KCTD12: variants seen among roughly 807,000 people sequenced by gnomAD.
KCTD12 encodes the protein potassium channel tetramerization domain containing 12.
KCTD12 carries 16 observed loss-of-function variants against 22.6 expected under a neutral mutation model. That is an observed-to-expected ratio of 0.71 (90% CI 0.48 to 1.07). The LOEUF (loss-of-function observed/expected upper bound fraction) is 1.07. KCTD12 is among the 50% of genes least tolerant of loss of function. The probability of loss-of-function intolerance (pLI) is 0.00; values close to 1 mark genes in which losing one functional copy is unlikely to be tolerated. For synonymous variants in KCTD12, 260 were observed against 228.0 expected, an observed-to-expected ratio of 1.14 and a Z score of -1.26; for missense variants, 452 against 469.2, an observed-to-expected ratio of 0.96 and a Z score of 0.34.
At position 76,880,303 on chromosome 13, in the gene KCTD12, G is replaced by A. The variant is rs2033188994; in HGVS notation, c.*4868C>T. On this transcript the variant is annotated 3_prime_UTR_variant, in exon 1 of 1. Coordinates refer to ENST00000377474, the MANE Select transcript of KCTD12 (RefSeq NM_138444.4). ...GTATTTCTGTTATACAACTGGTTGT[G>A]AACAGGAAGAACAAAAATCTTTATA... 1 of 152,652 alleles carries A rather than the reference G, an allele frequency of 6.6e-6. No individual in the cohort carries two copies. The highest frequency in any genetic ancestry group is 2.1e-4 in the South Asian group (1 of 4,832). The allele number at this position is 152,652 out of a possible 1,614,324, so 9.5% of individuals were successfully genotyped here.
rs767130923 is a variant in KCTD12 at position 76,885,361 on chromosome 13, G to T, written c.788C>A (p.Pro263Gln). ...LNESRDPDRP[P>Q]ERYTSRYYLK... ...GTAATAGCGCGAGGTGTAGCGCTCC[G>T]GGGGACGGTCGGGGTCCCGGCTTTC... The change falls in exon 1 of 1, where the codon CCG (proline) becomes CAG (glutamine). Residue 263 changes from proline (P) to glutamine (Q), a missense_variant. Physicochemically the swap from Pro to Gln is moderately conservative, Grantham distance 76 (BLOSUM62 -1). Transcript: ENST00000377474. This position sits in a 1 kb window ranked among gnomAD's most constrained non-coding sequence, Gnocchi z 5.1. The T allele has an allele frequency of 5.0e-6, 8 of 1,613,734 alleles. No individual in the cohort carries two copies. The highest frequency in any genetic ancestry group is 6.8e-6 in the Non-Finnish European group (8 of 1,179,904).
chr13:76,883,983 A>T lies in KCTD12; in HGVS notation c.*1188T>A, dbSNP rs1285094365. The stretch of plus-strand genomic sequence containing the variant: ...GGACTCAAAACAGTAAGTTAAGTAA[A>T]CTGCCAGGTAAGAGTAGGTCTGTTA... On this transcript the variant is annotated 3_prime_UTR_variant, in exon 1 of 1. Coordinates refer to ENST00000377474, the MANE Select transcript of KCTD12 (RefSeq NM_138444.4). 1 of 152,656 alleles carries T rather than the reference A, an allele frequency of 6.6e-6. No homozygotes were observed. Among genetic ancestry groups the T allele is most frequent in the East Asian group, 1.9e-4 (1 of 5,204 alleles). 9.5% of individuals were successfully genotyped at this position (152,656 alleles called of 1,614,324 possible).
In KCTD12 at chr13:76,885,513, G is replaced by C. The variant is rs754787768; in HGVS notation, c.636C>G (p.Ile212Met). ...CGATGGTGTAGGAGCCGCGGTAGCC[G>C]ATGGTGATGTAGCCCGAGCGCCGGC... ...DGSRRSGYIT[I>M]GYRGSYTIGR... Residue 212 changes from isoleucine to methionine, a missense_variant, in exon 1 of 1, where the codon ATC (isoleucine) becomes ATG (methionine). By Grantham distance (10) the Ile-to-Met change is conservative. Transcript: ENST00000377474. The surrounding 1 kb of genome is among the most constrained non-coding windows in gnomAD (Gnocchi z 5.1). 94 of 1,598,950 alleles carry C rather than the reference G, an allele frequency of 5.9e-5. No homozygotes were observed. The highest frequency in any genetic ancestry group is 7.7e-5 in the Non-Finnish European group (91 of 1,175,666).
At position 76,882,728 on chromosome 13, in the gene KCTD12, C is replaced by G. The variant is rs2033217564; in HGVS notation, c.*2443G>C. ...ATTTCAGGCTTCAAACAGATGAATTCTGATGCATTACTTAGTCTGAGACCA... is the reference window on the plus strand; with the variant it reads ...ATTTCAGGCTTCAAACAGATGAATTGTGATGCATTACTTAGTCTGAGACCA... On this transcript the variant is annotated 3_prime_UTR_variant, in exon 1 of 1. Coordinates refer to ENST00000377474, the MANE Select transcript of KCTD12 (RefSeq NM_138444.4). The G allele has an allele frequency of 6.6e-6, 1 of 151,086 alleles. No homozygotes were observed. The highest frequency in any genetic ancestry group is 2.5e-5 in the African/African-American group (1 of 40,542). The allele number at this position is 151,086 out of a possible 1,614,324, so 9.4% of individuals were successfully genotyped here.
rs1028961807 is a variant in KCTD12, at chr13:76,882,612, G to A, written c.*2559C>T. ...TGTCCCAAGATGTTCTCAATCATGTGCTTCCTGTTGAACAATCTAACAAAA... is the reference window on the plus strand; with the variant it reads ...TGTCCCAAGATGTTCTCAATCATGTACTTCCTGTTGAACAATCTAACAAAA... On this transcript the variant is annotated 3_prime_UTR_variant, in exon 1 of 1. Coordinates refer to ENST00000377474, the MANE Select transcript of KCTD12 (RefSeq NM_138444.4). 6.6e-5 allele frequency: 10 copies of A among 152,178 alleles called. No homozygotes were observed. The highest frequency in any genetic ancestry group is 2.4e-4 in the African/African-American group (10 of 41,440). 9.4% of individuals were successfully genotyped at this position (152,178 alleles called of 1,614,324 possible).
Position 76,885,584 on chromosome 13 carries a change from C to T in KCTD12, c.565G>A (p.Gly189Ser), listed in dbSNP as rs1162631635. The T allele has an allele frequency of 4.6e-6, 7 of 1,538,322 alleles. No individual in the cohort carries two copies. The highest frequency in any genetic ancestry group is 6.1e-6 in the Non-Finnish European group (7 of 1,148,328). Reference protein sequence around the residue: ...LELASRSPSGGAAGPLLTPSQ... With the variant: ...LELASRSPSGSAAGPLLTPSQ... ...GGCGTGAGCAGCGGGCCCGCCGCGC[C>T]CCCGGACGGACTGCGGCTAGCCAGC... Residue 189 changes from glycine (G) to serine (S), a missense_variant, in exon 1 of 1, where the codon GGC (glycine) becomes AGC (serine). Around this residue, in one of 2 missense-constraint regions of KCTD12, gnomAD observed 330 missense variants for 296.5 expected, o/e 1.11. Transcript: ENST00000377474. The surrounding 1 kb of genome is among the most constrained non-coding windows in gnomAD (Gnocchi z 5.1).
chr13:76,885,703 TCCTTGTGCACCC>T lies in KCTD12; in HGVS notation c.434_445del (p.Gly145_Lys148del). ...CAGCAGCTCGTCACCCAGCGAGCCCTCCTTGTGCACCCCGCGCCGCGAGGGCGGCGGCCCCGG... is the reference window on the plus strand; with the variant it reads ...CAGCAGCTCGTCACCCAGCGAGCCCTCGCGCCGCGAGGGCGGCGGCCCCGG... On this transcript the variant is annotated inframe_deletion, in exon 1 of 1. Transcript: ENST00000377474. The surrounding 1 kb of genome is among the most constrained non-coding windows in gnomAD (Gnocchi z 5.1). 1 of 1,426,800 alleles carries T rather than the reference TCCTTGTGCACCC, an allele frequency of 7.0e-7. No homozygotes were observed. Among genetic ancestry groups the T allele is most frequent in the Non-Finnish European group, 9.1e-7 (1 of 1,104,384 alleles). 88.4% of individuals were successfully genotyped at this position (1,426,800 alleles called of 1,614,324 possible).
rs1412908471 is a variant in KCTD12 at position 76,881,685 on chromosome 13, C to T, written c.*3486G>A. 3.0e-4 allele frequency: 2 copies of T among 6,574 alleles called. No homozygotes were observed. Among genetic ancestry groups the T allele is most frequent in the Non-Finnish European group, 7.6e-4 (2 of 2,638 alleles). The allele number at this position is 6,574 out of a possible 1,614,324, so 0.4% of individuals were successfully genotyped here. A position where few individuals can be genotyped will look rare whatever the true frequency, so the allele number is the denominator to read the frequency against. On this transcript the variant is annotated 3_prime_UTR_variant, in exon 1 of 1. Transcript: ENST00000377474. ...CAAAAACCAGTAGAATACATAACAACATTGAAAGGGAAAAATTTTTAAATC... is the reference window on the plus strand; with the variant it reads ...CAAAAACCAGTAGAATACATAACAATATTGAAAGGGAAAAATTTTTAAATC...
Position 76,880,567 on chromosome 13 carries a change from T to A in KCTD12, c.*4604A>T, listed in dbSNP as rs1012936603. 1.3e-5 allele frequency: 2 copies of A among 152,594 alleles called. No individual in the cohort carries two copies. 9.5% of individuals were successfully genotyped at this position (152,594 alleles called of 1,614,324 possible). A position where few individuals can be genotyped will look rare whatever the true frequency, so the allele number is the denominator to read the frequency against. On this transcript the variant is annotated 3_prime_UTR_variant, in exon 1 of 1. Transcript: ENST00000377474. ...TGTGAATCTTACATTGTCTAGCAGA[T>A]AAGGTTTTCAGATGCCTGGAAAAAT... is the stretch of plus-strand genomic sequence containing the variant.
In KCTD12 at chr13:76,886,137, C is replaced by A; in HGVS notation, c.12G>T (p.Ala4=). The change falls in exon 1 of 1, where the codon GCG becomes GCT. Residue 4 remains alanine, a synonymous_variant. Coordinates refer to ENST00000377474, the MANE Select transcript of KCTD12 (RefSeq NM_138444.4). ...CGTTGGGTAATCCACGTGTGCTGTC[C>A]GCCAGAGCCATGACAGAGAGGTGGC... is the stretch of plus-strand genomic sequence containing the variant. MAL[A]DSTRGLPNGG... 1 of 1,516,694 alleles carries A rather than the reference C, an allele frequency of 6.6e-7. No homozygotes were observed. Among genetic ancestry groups the A allele is most frequent in the Middle Eastern group, 1.7e-4 (1 of 5,756 alleles). The allele number at this position is 1,516,694 out of a possible 1,614,324, so 94.0% of individuals were successfully genotyped here.
chr13:76,885,536 G>A lies in KCTD12; in HGVS notation c.613C>T (p.Arg205Trp), dbSNP rs746569069. The change falls in exon 1 of 1, where the codon CGG becomes TGG. Residue 205 changes from arginine (R) to tryptophan (W), a missense_variant. By Grantham distance (101) the Arg-to-Trp change is moderately radical. Transcript: ENST00000377474. This position sits in a 1 kb window ranked among gnomAD's most constrained non-coding sequence, Gnocchi z 5.1. ...LTPSQSLDGS[R>W]RSGYITIGYR... ...CCGATGGTGATGTAGCCCGAGCGCC[G>A]GCTGCCGTCCAGCGACTGGGACGGC... is the stretch of plus-strand genomic sequence containing the variant. 1.3e-6 allele frequency: 2 copies of A among 1,573,904 alleles called. No individual in the cohort carries two copies. Among genetic ancestry groups the A allele is most frequent in the Non-Finnish European group, 1.7e-6 (2 of 1,163,976 alleles).
rs1160247851 is a variant in KCTD12 at position 76,881,311 on chromosome 13, C to A, written c.*3860G>T. 1 of 151,608 alleles carries A rather than the reference C, an allele frequency of 6.6e-6. No individual in the cohort carries two copies. The highest frequency in any genetic ancestry group is 1.5e-5 in the Non-Finnish European group (1 of 67,490). The allele number at this position is 151,608 out of a possible 1,614,324, so 9.4% of individuals were successfully genotyped here. A position where few individuals can be genotyped will look rare whatever the true frequency, so the allele number is the denominator to read the frequency against. On this transcript the variant is annotated 3_prime_UTR_variant, in exon 1 of 1. Coordinates refer to ENST00000377474, the MANE Select transcript of KCTD12 (RefSeq NM_138444.4). Reference sequence around the variant, plus strand: ...AAAATAAATTCTCAAGGAATTCAACCCCTCCAGTCAATACTTTTTCTTAAT... The same window carrying A: ...AAAATAAATTCTCAAGGAATTCAACACCTCCAGTCAATACTTTTTCTTAAT...
chr13:76,884,045 C>T lies in KCTD12; in HGVS notation c.*1126G>A, dbSNP rs1203624200. 1 of 152,536 alleles carries T rather than the reference C, an allele frequency of 6.6e-6. No homozygotes were observed. The highest frequency in any genetic ancestry group is 1.5e-5 in the Non-Finnish European group (1 of 68,034). 9.4% of individuals were successfully genotyped at this position (152,536 alleles called of 1,614,324 possible). A position where few individuals can be genotyped will look rare whatever the true frequency, so the allele number is the denominator to read the frequency against. Reference sequence around the variant, plus strand: ...AAAATACTTGGCATGTTTGCATTTACTATATGATATTTTTTAAATGTGCAT... The same window carrying T: ...AAAATACTTGGCATGTTTGCATTTATTATATGATATTTTTTAAATGTGCAT... On this transcript the variant is annotated 3_prime_UTR_variant, in exon 1 of 1. Coordinates refer to ENST00000377474, the MANE Select transcript of KCTD12 (RefSeq NM_138444.4).
Position 76,886,138 on chromosome 13 carries a change from G to C in KCTD12, c.11C>G (p.Ala4Gly), listed in dbSNP as rs1339335728. Residue 4 changes from alanine to glycine, a missense_variant, in exon 1 of 1, where the codon GCG (alanine) becomes GGG (glycine). Coordinates refer to ENST00000377474, the MANE Select transcript of KCTD12 (RefSeq NM_138444.4). Reference protein sequence around the residue: MALADSTRGLPNGG... With the variant: MALGDSTRGLPNGG... ...GTTGGGTAATCCACGTGTGCTGTCC[G>C]CCAGAGCCATGACAGAGAGGTGGCC... 8.6e-6 allele frequency: 13 copies of C among 1,515,162 alleles called. No individual in the cohort carries two copies. Among genetic ancestry groups the C allele is most frequent in the Non-Finnish European group, 9.7e-6 (11 of 1,132,126 alleles). The allele number at this position is 1,515,162 out of a possible 1,614,324, so 93.9% of individuals were successfully genotyped here.
At position 76,883,910 on chromosome 13, in the gene KCTD12, G is replaced by GT. The variant is rs2033230764; in HGVS notation, c.*1260dup. Reference sequence around the variant, plus strand: ...AGTTCAAAAACTAAAACCCTACTGGGTAACTCTTTGGTTAGATTATATATA... The same window carrying GT: ...AGTTCAAAAACTAAAACCCTACTGGGTTAACTCTTTGGTTAGATTATATATA... On this transcript the variant is annotated 3_prime_UTR_variant, in exon 1 of 1. Coordinates refer to ENST00000377474, the MANE Select transcript of KCTD12 (RefSeq NM_138444.4). The GT allele has an allele frequency of 6.6e-6, 1 of 152,576 alleles. No individual in the cohort carries two copies. The highest frequency in any genetic ancestry group is 1.5e-5 in the Non-Finnish European group (1 of 68,020). The allele number at this position is 152,576 out of a possible 1,614,324, so 9.5% of individuals were successfully genotyped here.
At position 76,882,382 on chromosome 13, in the gene KCTD12, T is replaced by C. The variant is rs2033213884; in HGVS notation, c.*2789A>G. 1 of 151,574 alleles carries C rather than the reference T, an allele frequency of 6.6e-6. No homozygotes were observed. The highest frequency in any genetic ancestry group is 2.4e-5 in the African/African-American group (1 of 41,128). 9.4% of individuals were successfully genotyped at this position (151,574 alleles called of 1,614,324 possible). A position where few individuals can be genotyped will look rare whatever the true frequency, so the allele number is the denominator to read the frequency against. On this transcript the variant is annotated 3_prime_UTR_variant, in exon 1 of 1. Coordinates refer to ENST00000377474, the MANE Select transcript of KCTD12 (RefSeq NM_138444.4). Reference sequence around the variant, plus strand: ...TTCAAATAATGTGCGGGGCGGGGGGTGCTGGGTGTGACAGGGTGCAGTGAA... The same window carrying C: ...TTCAAATAATGTGCGGGGCGGGGGGCGCTGGGTGTGACAGGGTGCAGTGAA...
chr13:76,880,272 T>C lies in KCTD12; in HGVS notation c.*4899A>G, dbSNP rs2137698842. 6.5e-6 allele frequency: 1 copy of C among 152,790 alleles called. No homozygotes were observed. Among genetic ancestry groups the C allele is most frequent in the South Asian group, 2.1e-4 (1 of 4,832 alleles). 9.5% of individuals were successfully genotyped at this position (152,790 alleles called of 1,614,324 possible). On this transcript the variant is annotated 3_prime_UTR_variant, in exon 1 of 1. Transcript: ENST00000377474. ...ACTTCACACACAGGAAGGAAAACAG[T>C]AGCTAGTATTTCTGTTATACAACTG...
In KCTD12 at chr13:76,886,270, G is replaced by GCCGCCGCCGCCGCCGCCA. The variant is rs2033273216; in HGVS notation, c.-123_-122insTGGCGGCGGCGGCGGCGG. ...CTCAGCCCTGCGCCCCGCCGCCGCC[G>GCCGCCGCCGCCGCCGCCA]CCGCCGCCACCGCCGCCACCGCCAC... On this transcript the variant is annotated 5_prime_UTR_variant, in exon 1 of 1. Transcript: ENST00000377474. 3.4e-6 allele frequency: 4 copies of GCCGCCGCCGCCGCCGCCA among 1,161,494 alleles called. No individual in the cohort carries two copies. In the African/African-American group the frequency reaches 6.9e-5, roughly 20 times the overall value. 71.9% of individuals were successfully genotyped at this position (1,161,494 alleles called of 1,614,324 possible).
In KCTD12 at chr13:76,885,795, C is replaced by G. The variant is rs773499484; in HGVS notation, c.354G>C (p.Glu118Asp). 3 of 1,588,798 alleles carry G rather than the reference C, an allele frequency of 1.9e-6. No homozygotes were observed. Among genetic ancestry groups the G allele is most frequent in the Non-Finnish European group, 2.6e-6 (3 of 1,176,150 alleles). ...GCACGAGCTCTGGCAGCTCGAAGTA[C>G]TCGGCCTCGCGCTGCAGCCGGCTGC... is the stretch of plus-strand genomic sequence containing the variant. ...PERSRLQREA[E>D]YFELPELVRR... Residue 118 changes from glutamate to aspartate, a missense_variant, in exon 1 of 1, where the codon GAG becomes GAC. By Grantham distance (45) the Glu-to-Asp change is conservative. Transcript: ENST00000377474. This position sits in a 1 kb window ranked among gnomAD's most constrained non-coding sequence, Gnocchi z 5.1.
Sources: gnomAD v4.1 joint callset for allele counts on GRCh38, gnomAD v4.1.1 for gene constraint, gnomAD v4.1.1 regional missense constraint, Gnocchi (gnomAD v3.1) non-coding constraint, MANE v1.5 for transcripts, NCBI Gene and HGNC (gene_info 2026-07-23, HGNC 2026-07-21) for gene names.